HDAC4: variants seen among roughly 807,000 people sequenced by gnomAD.
HDAC4 encodes the protein histone deacetylase A.
HDAC4 carries 16 observed loss-of-function variants against 135.1 expected under a neutral mutation model. The ratio of observed to expected loss-of-function variants is 0.12; its 90% CI spans 0.08 to 0.18. The LOEUF (loss-of-function observed/expected upper bound fraction) is 0.18, where lower values mean the gene tolerates loss of function less well. HDAC4 is among the 10% of genes least tolerant of loss of function. The pLI is 1.00. For missense variants in HDAC4, 1,143 were observed against 1,511.8 expected, an observed-to-expected ratio of 0.76 and a Z score of 4.05; for synonymous variants, 685 against 653.4, an observed-to-expected ratio of 1.05 and a Z score of -0.74.
chr2:239,277,799 C>T (rs1015608625), intron 2 of HDAC4, among the ~76,000 whole-genome samples: 7 of 152,332 alleles, frequency 4.6e-5, no homozygotes, highest in East Asian at 1.9e-4. Flanking sequence ...CCACCCGGGC[C>T]GGGACCCAGG....
Position 239,303,784 on chromosome 2 carries a change from G to A in HDAC4, c.22+48894C>T, listed in dbSNP as rs1258403506. On this transcript the variant is annotated intron_variant, in intron 2 of 26. Transcript: ENST00000543185. This position sits in a 1 kb window ranked among gnomAD's most constrained non-coding sequence, Gnocchi z 5.1. ...AGCGACTGCGACAGCTGCATCCCCC[G>A]TGCTCAACTGCAGGGCGCGGCACTC... Among the ~76,000 whole-genome samples the A allele has an allele frequency of 6.6e-6, 1 of 152,118 alleles. No individual in the cohort carries two copies. Among genetic ancestry groups the A allele is most frequent in the Admixed American group, 6.5e-5 (1 of 15,282 alleles).
chr2:239,144,837 C>G (rs2041646721), intron 7 of HDAC4, 123 bp from the exon 8 acceptor site: 1 of 964,978 alleles, frequency 1.0e-6, no homozygotes. Flanking sequence ...TGCTGTGTTG[C>G]TGCAGGGGAG....
Position 239,245,142 on chromosome 2 carries a change from C to T in HDAC4, c.23-8478G>A, listed in dbSNP as rs993776001. Among the ~76,000 whole-genome samples, 11 of 152,142 alleles carry T rather than the reference C, an allele frequency of 7.2e-5. No individual in the cohort carries two copies. The highest frequency in any genetic ancestry group is 2.1e-4 in the South Asian group (1 of 4,832). On this transcript the variant is annotated intron_variant, in intron 2 of 26. Coordinates refer to ENST00000543185, the MANE Select transcript of HDAC4 (RefSeq NM_001378414.1). This position sits in a 1 kb window ranked among gnomAD's most constrained non-coding sequence, Gnocchi z 4.4. The stretch of plus-strand genomic sequence containing the variant: ...ATTCTTTCCCTAAGCAATATTTTTC[C>T]TTCAGGGTAATCAGGCAGTCTTAAA...
At chr2:239,090,749 T>C (rs1226531384) in intron 17 of HDAC4, among the ~76,000 whole-genome samples, 1 of 152,202 alleles carries the variant, frequency 6.6e-6, no homozygotes, top group Non-Finnish European at 1.5e-5. Flanking sequence ...TTAGGGATGC[T>C]GAACTGGTAA....
intron 1 of HDAC4, among the ~76,000 whole-genome samples, chr2:239,385,822 T>C (rs115159205): frequency 0.099 from 15,024 of 152,194 alleles, 893 homozygotes; most frequent in South Asian, 0.17. Context: ...GTGATGACCC[T>C]TCCTGCCGGT....
At chr2:239,294,497 G>A (rs955066572) in intron 2 of HDAC4, among the ~76,000 whole-genome samples, 1 of 152,140 alleles carries the variant, frequency 6.6e-6, no homozygotes, top group East Asian at 1.9e-4. Context: ...CTAAGTCCCC[G>A]TTGAAGGTGG....
intron 12 of HDAC4, among the ~76,000 whole-genome samples, chr2:239,122,694 G>A (rs746372976): frequency 5.4e-4 from 83 of 152,330 alleles, no homozygotes; most frequent in Admixed American, 2.6e-4. Flanking sequence ...TGCAGGCCTC[G>A]GGAAAACTAG....
At chr2:239,100,956 G>A (rs1476347722) in intron 16 of HDAC4, among the ~76,000 whole-genome samples, 6 of 152,034 alleles carry the variant, frequency 3.9e-5, no homozygotes, top group Non-Finnish European at 7.4e-5. Context: ...GTAGGGAGTC[G>A]GGGCCCAGAG....
chr2:239,241,965 T>G (rs2048197527), intron 2 of HDAC4, among the ~76,000 whole-genome samples: 1 of 151,948 alleles, frequency 6.6e-6, no homozygotes, highest in Non-Finnish European at 1.5e-5. Context: ...AAACCCTACT[T>G]TTTTCTTCCA....
At chr2:239,076,288 C>T (rs952628234) in intron 22 of HDAC4, among the ~76,000 whole-genome samples, 1 of 152,238 alleles carries the variant, frequency 6.6e-6, no homozygotes, top group African/African-American at 2.4e-5. Context: ...CACTCTGCTT[C>T]CTCGAAAGGC....
chr2:239,140,810 C>T (rs528994579), intron 8 of HDAC4: 53 of 356,650 alleles, frequency 1.5e-4, no homozygotes, highest in South Asian at 7.5e-4. Flanking sequence ...GCCTCCTCCA[C>T]GGTCTGCTTG....
chr2:239,072,550 C>T (rs1258685052), intron 22 of HDAC4, among the ~76,000 whole-genome samples: 2 of 152,214 alleles, frequency 1.3e-5, no homozygotes, highest in African/African-American at 4.8e-5. Context: ...GTGCATCACC[C>T]GATGGGCGCC....
intron 25 of HDAC4, among the ~76,000 whole-genome samples, chr2:239,053,809 A>G (rs532655146): frequency 1.2e-3 from 185 of 152,288 alleles, no homozygotes; most frequent in Middle Eastern, 3.4e-3. Context: ...ATGTTTCCCC[A>G]TTGTGAGTGG....
rs896587527 is a variant in HDAC4 at position 239,262,948 on chromosome 2, G to C, written c.23-26284C>G. ...CAGCCTGGAAGCTTCTGTGCTTCAC[G>C]AAAGATCTACGCGTGAAGCCCCCGG... On this transcript the variant is annotated intron_variant, in intron 2 of 26. Coordinates refer to ENST00000543185, the MANE Select transcript of HDAC4 (RefSeq NM_001378414.1). The surrounding 1 kb of genome is among the most constrained non-coding windows in gnomAD (Gnocchi z 4.1). Among the ~76,000 whole-genome samples the C allele has an allele frequency of 1.1e-4, 17 of 152,048 alleles. No individual in the cohort carries two copies. The highest frequency in any genetic ancestry group is 1.9e-4 in the African/African-American group (8 of 41,466).
chr2:239,256,427 G>A (rs1270624801), intron 2 of HDAC4, among the ~76,000 whole-genome samples: 2 of 152,232 alleles, frequency 1.3e-5, no homozygotes, highest in South Asian at 2.1e-4. Context: ...ATGGGGGAAA[G>A]GACAGGCTGG....
chr2:239,383,638 T>G (rs1244584830), intron 1 of HDAC4, among the ~76,000 whole-genome samples: 3 of 152,082 alleles, frequency 2.0e-5, no homozygotes, highest in African/African-American at 7.2e-5. Flanking sequence ...TTACCATTTA[T>G]TCCCTCTCTG....
chr2:239,395,802 GC>G (rs1356783276), intron 1 of HDAC4, among the ~76,000 whole-genome samples: 1 of 148,138 alleles, frequency 6.8e-6, no homozygotes, highest in African/African-American at 2.5e-5. Context: ...AAATAATGCA[GC>G]CCCGACCTCC....
At chr2:239,333,480 T>A (rs768359382) in intron 2 of HDAC4, among the ~76,000 whole-genome samples, 2 of 152,110 alleles carry the variant, frequency 1.3e-5, no homozygotes, top group African/African-American at 2.4e-5. Flanking sequence ...CACGTCAATC[T>A]CATATCTTTA....
At chr2:239,197,496 C>T (rs2045471032) in intron 3 of HDAC4, among the ~76,000 whole-genome samples, 1 of 152,144 alleles carries the variant, frequency 6.6e-6, no homozygotes, top group South Asian at 2.1e-4. Context: ...GTAGGGGGCT[C>T]CCTGAAGCAC....
Sources: gnomAD v4.1 joint callset for allele counts (sites outside exome capture counted in the v4.1 genomes callset) on GRCh38, gnomAD v4.1.1 for gene constraint, Gnocchi (gnomAD v3.1) non-coding constraint, MANE v1.5 for transcripts, NCBI Gene and HGNC (gene_info 2026-07-23, HGNC 2026-07-21) for gene names.